AOPEP: variants seen among roughly 807,000 people sequenced by gnomAD.
AOPEP encodes the protein aminopeptidase O (putative), also known as aminopeptidase O.
A neutral mutation model predicts 98.1 loss-of-function variants in AOPEP; 77 were observed. That is an observed-to-expected ratio of 0.78 (90% CI 0.65 to 0.95). AOPEP has a LOEUF of 0.95. Ranked by LOEUF, AOPEP falls within the 40% of genes least tolerant of loss-of-function variation. AOPEP has a pLI of 0.00. For synonymous variants in AOPEP, 346 were observed against 365.3 expected, an observed-to-expected ratio of 0.95 and a Z score of 0.60; for missense variants, 1,024 against 1,024.7, an observed-to-expected ratio of 1.00 and a Z score of 0.01.
At chr9:94,813,517 C>A (rs1851071122) in intron 5 of AOPEP, among the ~76,000 whole-genome samples, 1 of 152,246 alleles carries the variant, frequency 6.6e-6, no homozygotes, top group African/African-American at 2.4e-5. Context: ...CCCTGTCCTC[C>A]CCCTCACCAG....
the AOPEP span, chr9:95,145,453 G>A: frequency 6.6e-6 from 1 of 152,166 alleles, no homozygotes; most frequent in African/African-American, 2.4e-5. Context: ...GAAAACGCCA[G>A]CTCTCTCGAT....
chr9:94,911,039 T>TA (rs147456721), intron 5 of AOPEP, among the ~76,000 whole-genome samples: 596 of 152,338 alleles, frequency 3.9e-3, no homozygotes, highest in Non-Finnish European at 7.4e-3. Context: ...GTATTATCAC[T>TA]ACTGCTACTT....
intron 1 of AOPEP, among the ~76,000 whole-genome samples, chr9:94,752,203 C>T (rs1835954810): frequency 6.6e-6 from 1 of 152,152 alleles, no homozygotes; most frequent in Non-Finnish European, 1.5e-5. Flanking sequence ...AAAACTTCTT[C>T]ACCAAAAGGA....
the AOPEP span, chr9:95,099,673 G>A: frequency 2.2e-5 from 5 of 231,788 alleles, no homozygotes; most frequent in Admixed American, 5.7e-5. Flanking sequence ...TCAGTGCCAC[G>A]TCCCCAGAGG....
intron 2 of AOPEP, among the ~76,000 whole-genome samples, chr9:94,764,635 G>A (rs148566436): frequency 1.3e-5 from 2 of 152,240 alleles, no homozygotes; most frequent in East Asian, 1.9e-4. Flanking sequence ...GTGATAGAGC[G>A]TGACTGTGTC....
chr9:94,786,917 G>A (rs894644259), intron 3 of AOPEP, among the ~76,000 whole-genome samples: 4 of 151,948 alleles, frequency 2.6e-5, no homozygotes, highest in Admixed American at 2.6e-4. Context: ...AAACCTTTTT[G>A]CTTTTAAAAG....
intron 13 of AOPEP, among the ~76,000 whole-genome samples, chr9:95,044,580 T>G (rs770445268): frequency 2.6e-5 from 4 of 152,206 alleles, no homozygotes; most frequent in African/African-American, 7.2e-5. Flanking sequence ...GGTGAAGGGT[T>G]CTTGAAAAAC....
chr9:94,895,243 A>AT (rs58618945), intron 5 of AOPEP, among the ~76,000 whole-genome samples: 58,177 of 147,920 alleles, frequency 0.39, 12,701 homozygotes, highest in Non-Finnish European at 0.49. Flanking sequence ...ATAAAATAAA[A>AT]AAAAAAAATA....
chr9:94,930,154 G>A lies in AOPEP; in HGVS notation c.1661+1623G>A, dbSNP rs962377639. ...CCAGGAGAACGGTTGCAGCCTTGCA[G>A]TAGTCCATGCAAGAGGCCCTGGAGT... On this transcript the variant is annotated intron_variant, in intron 7 of 16. Transcript: ENST00000375315. The surrounding 1 kb of genome is among the most constrained non-coding windows in gnomAD (Gnocchi z 4.5). Among the ~76,000 whole-genome samples, 4 of 152,264 alleles carry A rather than the reference G, an allele frequency of 2.6e-5. No individual in the cohort carries two copies. The highest frequency in any genetic ancestry group is 9.6e-5 in the African/African-American group (4 of 41,468).
intron 11 of AOPEP, 93 bp from the exon 12 acceptor site, chr9:95,005,065 G>A: frequency 1.9e-6 from 1 of 536,650 alleles, no homozygotes; most frequent in South Asian, 8.0e-5. Context: ...CCGCGGGCGA[G>A]GTACGGGGCG....
At chr9:94,751,194 C>A (rs533553240) in intron 1 of AOPEP, among the ~76,000 whole-genome samples, 1 of 152,226 alleles carries the variant, frequency 6.6e-6, no homozygotes, top group East Asian at 1.9e-4. Context: ...CACGTGTTGG[C>A]GCCTTACAGT....
the AOPEP span, chr9:95,117,189 G>A: frequency 3.5e-6 from 3 of 853,206 alleles, no homozygotes; most frequent in Non-Finnish European, 5.8e-6. Context: ...GGGCTTAAAG[G>A]GATCTTAGAA....
chr9:95,029,194 G>A (rs1375949920), intron 13 of AOPEP, among the ~76,000 whole-genome samples: 1 of 152,210 alleles, frequency 6.6e-6, no homozygotes, highest in Non-Finnish European at 1.5e-5. Flanking sequence ...GGGGAAACTG[G>A]GGGTGCCAGA....
At chr9:94,959,300 C>A (rs532982292) in intron 9 of AOPEP, among the ~76,000 whole-genome samples, 17 of 152,264 alleles carry the variant, frequency 1.1e-4, no homozygotes, top group Non-Finnish European at 1.2e-4. Flanking sequence ...ACCTCAGCCT[C>A]CCAAAATGCT....
chr9:95,092,705 A>G, the AOPEP span, among the ~76,000 whole-genome samples: 19 of 152,212 alleles, frequency 1.2e-4, no homozygotes, highest in Non-Finnish European at 2.5e-4. Context: ...GCCCATGGTC[A>G]GACCCTGACT....
chr9:94,753,847 C>T (rs998013589), intron 1 of AOPEP, among the ~76,000 whole-genome samples: 6 of 152,182 alleles, frequency 3.9e-5, no homozygotes, highest in Admixed American at 1.3e-4. Context: ...CTAGACATCT[C>T]GTGTTTTCTT....
chr9:95,125,083 A>C, the AOPEP span: 1 of 1,613,448 alleles, frequency 6.2e-7, no homozygotes, highest in Non-Finnish European at 8.5e-7. Flanking sequence ...TGATATAACA[A>C]ACCTGCTTGC....
chr9:94,813,384 GA>G (rs1851038702), intron 5 of AOPEP, among the ~76,000 whole-genome samples: 1 of 152,286 alleles, frequency 6.6e-6, no homozygotes, highest in Non-Finnish European at 1.5e-5. Flanking sequence ...ATTCTTTGAT[GA>G]TGATACCACC....
intron 5 of AOPEP, chr9:94,904,718 T>A (rs1280660970): frequency 6.6e-6 from 1 of 152,254 alleles, no homozygotes; most frequent in Admixed American, 6.5e-5. Context: ...ACCAAATTAT[T>A]AGCAATAGGT....
Sources: allele counts gnomAD v4.1 joint callset (sites outside exome capture counted in the v4.1 genomes callset), GRCh38; gene constraint gnomAD v4.1.1; non-coding constraint Gnocchi (gnomAD v3.1); transcripts MANE v1.5; gene names NCBI Gene and HGNC (gene_info 2026-07-23, HGNC 2026-07-21).